The following MYO5B variants were observed in gnomAD, a reference collection of about 807,000 sequenced individuals.
MYO5B encodes myosin VB, also known as unconventional myosin-Vb.
MYO5B carries 143 observed loss-of-function variants against 229.3 expected under a neutral mutation model. The observed-to-expected ratio is 0.62, with a 90% CI of 0.54 to 0.72. The LOEUF is 0.72. Among genes scored for constraint, MYO5B ranks in the 30% least tolerant of loss-of-function variants. The probability of loss-of-function intolerance (pLI) is 0.00; values close to 1 mark genes in which losing one functional copy is unlikely to be tolerated. For missense variants in MYO5B, 2,321 were observed against 2,331.0 expected (o/e 1.00, Z 0.09); for synonymous variants, 918 against 885.2 (o/e 1.04, Z -0.66).
At chr18:50,047,996 A>T (rs1299050246) in intron 2 of MYO5B, among the ~76,000 whole-genome samples, 2 of 151,722 alleles carry the variant, frequency 1.3e-5, no homozygotes, top group African/African-American at 4.8e-5. Flanking sequence ...GTAAATGACC[A>T]GTTAATGGGT....
chr18:50,087,884 A>C (rs115688550), intron 1 of MYO5B, among the ~76,000 whole-genome samples: 2,017 of 152,286 alleles, frequency 0.013, 38 homozygotes, highest in African/African-American at 0.046. Context: ...GCTAACGGGG[A>C]AGCACAGTAA....
At chr18:49,927,008 G>A (rs1259642477) in intron 17 of MYO5B, among the ~76,000 whole-genome samples, 2 of 151,974 alleles carry the variant, frequency 1.3e-5, no homozygotes, top group African/African-American at 4.8e-5. Context: ...CTAGGGACTG[G>A]GGGAGAGAGA....
chr18:49,944,336 G>A (rs753388369), intron 14 of MYO5B, among the ~76,000 whole-genome samples: 4 of 152,004 alleles, frequency 2.6e-5, no homozygotes, highest in Non-Finnish European at 5.9e-5. Context: ...CACAGAGAAC[G>A]GCAATGACTA....
At chr18:49,837,396 A>C in intron 37 of MYO5B, 121 bp downstream of exon 37, 1 of 1,232,620 alleles carries the variant, frequency 8.1e-7, no homozygotes, top group Non-Finnish European at 1.2e-6. Flanking sequence ...ACTGATGGAG[A>C]CAAGGACTGT....
intron 5 of MYO5B, among the ~76,000 whole-genome samples, chr18:49,998,237 T>C (rs2026010891): frequency 1.3e-5 from 2 of 152,122 alleles, no homozygotes; most frequent in Non-Finnish European, 2.9e-5. Flanking sequence ...GACAAAATGC[T>C]CCATTTGACA....
chr18:50,011,761 T>C (rs956983857), intron 4 of MYO5B, among the ~76,000 whole-genome samples: 1 of 152,112 alleles, frequency 6.6e-6, no homozygotes, highest in Non-Finnish European at 1.5e-5. Context: ...GATAATTCTA[T>C]GCCCTACTCA....
At position 49,929,609 on chromosome 18, in the gene MYO5B, A is replaced by G. The variant is rs549485150; in HGVS notation, c.2004-11T>C. The G allele has an allele frequency of 7.3e-7, 1 of 1,376,186 alleles. No homozygotes were observed. Among genetic ancestry groups the G allele is most frequent in the African/African-American group, 2.5e-5 (1 of 39,910 alleles). 85.2% of individuals were successfully genotyped at this position (1,376,186 alleles called of 1,614,324 possible). On this transcript the variant is annotated splice_polypyrimidine_tract_variant and intron_variant, in intron 16 of 39. Coordinates refer to ENST00000285039, the MANE Select transcript of MYO5B (RefSeq NM_001080467.3). ...CTCTTTGGGTCAAAGCTGCCAAAGGAGAAAAAAAAAAAAAAAAGCAAGACA... is the reference window on the plus strand; with the variant it reads ...CTCTTTGGGTCAAAGCTGCCAAAGGGGAAAAAAAAAAAAAAAAGCAAGACA...
chr18:49,953,193 C>A (rs746391099), intron 14 of MYO5B, 67 bp downstream of exon 14: 1 of 1,469,566 alleles, frequency 6.8e-7, no homozygotes, highest in Non-Finnish European at 9.5e-7. Flanking sequence ...GAGGTTGCAT[C>A]ACCACTCCCT....
chr18:49,924,188 A>G (rs2025105010), intron 17 of MYO5B, among the ~76,000 whole-genome samples: 1 of 152,200 alleles, frequency 6.6e-6, no homozygotes, highest in African/African-American at 2.4e-5. Context: ...AAATACCACC[A>G]GAAAGTTCTG....
intron 2 of MYO5B, among the ~76,000 whole-genome samples, chr18:50,048,196 T>C (rs2030292145): frequency 6.6e-6 from 1 of 151,964 alleles, no homozygotes; most frequent in Non-Finnish European, 1.5e-5. Flanking sequence ...ATCACCATCT[T>C]CTCCAATCCC....
At chr18:49,997,695 C>A (rs547703810) in intron 5 of MYO5B, among the ~76,000 whole-genome samples, 19 of 152,240 alleles carry the variant, frequency 1.2e-4, no homozygotes, top group African/African-American at 4.1e-4. Context: ...GACAATAAAT[C>A]ATCCCAGTGC....
At chr18:50,155,896 T>G (rs910413432) in intron 1 of MYO5B, among the ~76,000 whole-genome samples, 2 of 152,208 alleles carry the variant, frequency 1.3e-5, no homozygotes, top group Non-Finnish European at 2.9e-5. Flanking sequence ...AAAGTTAACT[T>G]CAAGTCCTTT....
At chr18:49,830,875 A>G (rs1348369402) in intron 39 of MYO5B, among the ~76,000 whole-genome samples, 7 of 151,170 alleles carry the variant, frequency 4.6e-5, no homozygotes, top group African/African-American at 1.7e-4. Context: ...TGGAGGACTC[A>G]CACTTCCCAT....
intron 13 of MYO5B, among the ~76,000 whole-genome samples, chr18:49,953,984 C>CTA (rs1477587750): frequency 2.4e-5 from 3 of 127,114 alleles, no homozygotes; most frequent in East Asian, 2.3e-4. Flanking sequence ...TGTGTATAGA[C>CTA]TATATATATA....
rs181503688 is a variant in MYO5B at position 49,890,704 on chromosome 18, G to T, written c.3045+4237C>A. Among the ~76,000 whole-genome samples the T allele has an allele frequency of 6.6e-5, 10 of 152,270 alleles. No individual in the cohort carries two copies. The East Asian group carries it at 1.9e-3, about 29-fold the overall frequency. Reference sequence around the variant, plus strand: ...TGGTTGGACAATGCCAATCAGAAAAGGTTCCTCTGCCATCTGTCCTTGATG... The same window carrying T: ...TGGTTGGACAATGCCAATCAGAAAATGTTCCTCTGCCATCTGTCCTTGATG... On this transcript the variant is annotated intron_variant, in intron 22 of 39. Coordinates refer to ENST00000285039, the MANE Select transcript of MYO5B (RefSeq NM_001080467.3).
At chr18:50,008,770 T>A (rs2026130529) in intron 4 of MYO5B, among the ~76,000 whole-genome samples, 1 of 152,176 alleles carries the variant, frequency 6.6e-6, no homozygotes, top group Non-Finnish European at 1.5e-5. Context: ...CATTTCATCC[T>A]CTGTGACAAA....
At chr18:50,013,516 G>C (rs1163838348) in intron 4 of MYO5B, among the ~76,000 whole-genome samples, 1 of 152,182 alleles carries the variant, frequency 6.6e-6, no homozygotes, top group Admixed American at 6.5e-5. Context: ...CAGCCCTCTT[G>C]AGAGAATTAC....
At chr18:49,861,557 T>G (rs2024329533) in intron 29 of MYO5B, among the ~76,000 whole-genome samples, 1 of 152,212 alleles carries the variant, frequency 6.6e-6, no homozygotes, top group African/African-American at 2.4e-5. Flanking sequence ...TCATTCCTTT[T>G]CTCCCTCCTT....
chr18:50,076,469 T>C (rs73446652), intron 1 of MYO5B, among the ~76,000 whole-genome samples: 14,141 of 152,158 alleles, frequency 0.093, 1,202 homozygotes, highest in African/African-American at 0.23. Context: ...CACACAGCCA[T>C]GGCAGCCACC....
Sources: gnomAD v4.1 joint callset for allele counts (sites outside exome capture counted in the v4.1 genomes callset) on GRCh38, gnomAD v4.1.1 for gene constraint, MANE v1.5 for transcripts, NCBI Gene and HGNC (gene_info 2026-07-23, HGNC 2026-07-21) for gene names.